The following LMNTD1 variants were observed in gnomAD, a reference collection of about 807,000 sequenced individuals.
The protein encoded by LMNTD1 is lamin tail domain containing 1.
Under a neutral mutation model 50.9 loss-of-function variants are expected in LMNTD1, and 35 were observed. The ratio of observed to expected loss-of-function variants is 0.69; its 90% CI spans 0.53 to 0.91. LMNTD1 has a LOEUF of 0.91. Among genes scored for constraint, LMNTD1 ranks in the 40% least tolerant of loss-of-function variants. LMNTD1 has a pLI of 0.00. For synonymous variants in LMNTD1, 153 were observed against 161.9 expected (o/e 0.94, Z 0.42); for missense variants, 470 against 475.5 (o/e 0.99, Z 0.11).
intron 1 of LMNTD1, among the ~76,000 whole-genome samples, chr12:25,612,870 C>T (rs1189982301): frequency 1.3e-5 from 2 of 152,094 alleles, no homozygotes; most frequent in Non-Finnish European, 2.9e-5. Flanking sequence ...GATTAAGGAT[C>T]TTGAGGTAAG....
upstream of LMNTD1, among the ~76,000 whole-genome samples, chr12:25,556,562 A>G (rs1234844764): frequency 6.6e-6 from 1 of 152,090 alleles, no homozygotes; most frequent in African/African-American, 2.4e-5. Context: ...CTGGTCTCAA[A>G]TCATCTCAAA....
At chr12:25,497,240 C>T (rs1036574443) in intron 9 of LMNTD1, among the ~76,000 whole-genome samples, 1 of 152,090 alleles carries the variant, frequency 6.6e-6, no homozygotes, top group Non-Finnish European at 1.5e-5. Flanking sequence ...GAGGTGGAGC[C>T]TTGGGTTCCT....
At chr12:25,645,010 A>T (rs1947036759) in intron 1 of LMNTD1, among the ~76,000 whole-genome samples, 1 of 152,228 alleles carries the variant, frequency 6.6e-6, no homozygotes, top group Non-Finnish European at 1.5e-5. Flanking sequence ...GGAAATGTGA[A>T]ATCGTCATTT....
At chr12:25,544,292 G>T (rs1348389398) in intron 4 of LMNTD1, among the ~76,000 whole-genome samples, 1 of 151,952 alleles carries the variant, frequency 6.6e-6, no homozygotes. Context: ...TCTTCTTGCT[G>T]AATTGACCCC....
intron 1 of LMNTD1, among the ~76,000 whole-genome samples, chr12:25,610,330 C>T (rs1373962800): frequency 2.0e-5 from 3 of 152,092 alleles, no homozygotes; most frequent in Admixed American, 6.6e-5. Context: ...TCAGCTTGCC[C>T]TCTGTGGGCT....
intron 8 of LMNTD1, among the ~76,000 whole-genome samples, chr12:25,516,379 A>G (rs1320086244): frequency 6.6e-6 from 1 of 152,210 alleles, no homozygotes; most frequent in African/African-American, 2.4e-5. Flanking sequence ...AGTTGCCACC[A>G]TCATATTATA....
At position 25,531,662 on chromosome 12, in the gene LMNTD1, T is replaced by G. The variant is rs183082866; in HGVS notation, c.492-4707A>C. 5.1e-3 allele frequency among the ~76,000 whole-genome samples: 778 copies of G among 152,312 alleles called. 9 individuals carry two copies. Among genetic ancestry groups the G allele is most frequent in the African/African-American group, 0.017 (727 of 41,578 alleles). On this transcript the variant is annotated intron_variant, in intron 4 of 9. Transcript: ENST00000458174. ...CCTGCTAGATGTTGGTAGTGCTTTTTGAATATTTGGCTTGATGTCTTTCAT... is the reference window on the plus strand; with the variant it reads ...CCTGCTAGATGTTGGTAGTGCTTTTGGAATATTTGGCTTGATGTCTTTCAT...
intron 1 of LMNTD1, among the ~76,000 whole-genome samples, chr12:25,600,646 T>C (rs1000468300): frequency 6.6e-6 from 1 of 151,946 alleles, no homozygotes; most frequent in Non-Finnish European, 1.5e-5. Flanking sequence ...AAGATTTGAA[T>C]AGACATTTCT....
chr12:25,532,879 T>C (rs1363974051), intron 4 of LMNTD1, among the ~76,000 whole-genome samples: 1 of 152,146 alleles, frequency 6.6e-6, no homozygotes, highest in Non-Finnish European at 1.5e-5. Context: ...TGACAGAACA[T>C]CCTTTTGTTT....
At chr12:25,536,872 A>C (rs1301438964) in intron 4 of LMNTD1, among the ~76,000 whole-genome samples, 2 of 152,248 alleles carry the variant, frequency 1.3e-5, no homozygotes, top group African/African-American at 4.8e-5. Flanking sequence ...GGGTGCACGC[A>C]CCGTGCGCGA....
intron 1 of LMNTD1, among the ~76,000 whole-genome samples, chr12:25,617,333 G>C (rs1324866688): frequency 6.6e-6 from 1 of 152,176 alleles, no homozygotes; most frequent in African/African-American, 2.4e-5. Context: ...GGTACTATCT[G>C]CCTCTTGGTT....
intron 1 of LMNTD1, among the ~76,000 whole-genome samples, chr12:25,578,932 C>T (rs1945152338): frequency 6.6e-6 from 1 of 152,162 alleles, no homozygotes; most frequent in African/African-American, 2.4e-5. Context: ...AACCATCTAA[C>T]CAAATTAAGC....
chr12:25,571,624 A>C (rs1944801513), intron 1 of LMNTD1, among the ~76,000 whole-genome samples: 4 of 151,498 alleles, frequency 2.6e-5, no homozygotes, highest in Admixed American at 1.3e-4. Flanking sequence ...TGGCCTCCCA[A>C]AATGCTGGGA....
intron 1 of LMNTD1, among the ~76,000 whole-genome samples, chr12:25,606,395 T>C (rs1946103520): frequency 6.6e-6 from 1 of 152,206 alleles, no homozygotes; most frequent in Non-Finnish European, 1.5e-5. Context: ...AGAGAGGGCA[T>C]CCCTGTCTTG....
chr12:25,524,314 G>A (rs1001881595), intron 6 of LMNTD1, among the ~76,000 whole-genome samples: 3 of 152,158 alleles, frequency 2.0e-5, no homozygotes, highest in African/African-American at 4.8e-5. Flanking sequence ...AGCACCTAGC[G>A]CCATTCCTGA....
At chr12:25,631,482 A>G (rs1415041077) in intron 1 of LMNTD1, among the ~76,000 whole-genome samples, 1 of 152,230 alleles carries the variant, frequency 6.6e-6, no homozygotes, top group Non-Finnish European at 1.5e-5. Context: ...GACTCTGTGC[A>G]GACAACCCCC....
intron 9 of LMNTD1, among the ~76,000 whole-genome samples, chr12:25,484,190 T>C (rs1298753710): frequency 1.3e-5 from 2 of 152,078 alleles, no homozygotes; most frequent in African/African-American, 4.8e-5. Context: ...TAAATTATTT[T>C]TGTTTTTAAA....
intron 9 of LMNTD1, among the ~76,000 whole-genome samples, chr12:25,481,161 C>A (rs1591814678): frequency 6.6e-6 from 1 of 152,128 alleles, no homozygotes; most frequent in Middle Eastern, 3.4e-3. Context: ...GCTGACATGT[C>A]ACCTTCTTAG....
At chr12:25,639,596 A>G (rs1272330299) in intron 1 of LMNTD1, among the ~76,000 whole-genome samples, 1 of 152,230 alleles carries the variant, frequency 6.6e-6, no homozygotes, top group African/African-American at 2.4e-5. Context: ...CAAAACCACA[A>G]TAAGATCCTG....
Sources: allele counts gnomAD v4.1 joint callset (sites outside exome capture counted in the v4.1 genomes callset), GRCh38; gene constraint gnomAD v4.1.1; transcripts MANE v1.5; gene names NCBI Gene and HGNC (gene_info 2026-07-23, HGNC 2026-07-21).